LRP8: variants seen among roughly 807,000 people sequenced by gnomAD.
The protein encoded by LRP8 is low-density lipoprotein receptor-related protein 8.
In LRP8, 46 loss-of-function variants were observed where a neutral mutation model predicts 111.6. That is an observed-to-expected ratio of 0.41 (90% CI 0.33 to 0.53). LRP8 has a LOEUF of 0.53. Among genes scored for constraint, LRP8 ranks in the 20% least tolerant of loss-of-function variants. The pLI is 0.20. For synonymous variants in LRP8, 464 were observed against 511.2 expected (o/e 0.91, Z 1.24); for missense variants, 959 against 1,297.4 (o/e 0.74, Z 4.01).
In LRP8 at chr1:53,266,733, C is replaced by A. The variant is rs2297659; in HGVS notation, c.1253-86G>T. ...CAAGACTCTGCCACTGGCTTGCTGG[C>A]TGACACATCCATTTTCCTTAAAATA... On this transcript the variant is annotated intron_variant, in intron 8 of 18. Coordinates refer to ENST00000306052, the MANE Select transcript of LRP8 (RefSeq NM_004631.5). This position sits in a 1 kb window ranked among gnomAD's most constrained non-coding sequence, Gnocchi z 5.0. 2.6e-3 allele frequency: 3,204 copies of A among 1,215,022 alleles called. 90 individuals are homozygous for A. In the East Asian group the frequency reaches 0.064, roughly 24 times the overall value. 75.3% of individuals were successfully genotyped at this position (1,215,022 alleles called of 1,614,324 possible).
chr1:53,276,428 G>A (rs1193220999), intron 5 of LRP8, among the ~76,000 whole-genome samples: 1 of 151,942 alleles, frequency 6.6e-6, no homozygotes, highest in Non-Finnish European at 1.5e-5. Flanking sequence ...CGGGGGATGG[G>A]GGTGGGAAGT....
intron 2 of LRP8, among the ~76,000 whole-genome samples, chr1:53,309,697 T>C (rs1652646275): frequency 6.6e-6 from 1 of 152,094 alleles, no homozygotes; most frequent in Non-Finnish European, 1.5e-5. Context: ...AGCTGCCCCC[T>C]GAGGGCCCAG....
At position 53,244,459 on chromosome 1, in the gene LRP8, C is replaced by A. The variant is rs1020861337; in HGVS notation, c.*2559G>T. ...ACCTCAAAATGAGGCTGAAAAGCCT[C>A]TATGAATGGGGGAAGGTGGATCTGA... On this transcript the variant is annotated 3_prime_UTR_variant, in exon 19 of 19. Transcript: ENST00000306052. 2 of 152,246 alleles carry A rather than the reference C, an allele frequency of 1.3e-5. No individual in the cohort carries two copies. The highest frequency in any genetic ancestry group is 2.9e-5 in the Non-Finnish European group (2 of 68,050). The allele number at this position is 152,246 out of a possible 1,614,324, so 9.4% of individuals were successfully genotyped here.
Position 53,286,564 on chromosome 1 carries a change from G to A in LRP8, c.367+3003C>T, listed in dbSNP as rs188091045. On this transcript the variant is annotated intron_variant, in intron 3 of 18. Coordinates refer to ENST00000306052, the MANE Select transcript of LRP8 (RefSeq NM_004631.5). Reference sequence around the variant, plus strand: ...TCCCCAATCAAGTGAGCTATAATTAGAGCTGAAATGCTATTGCCATTAGGC... The same window carrying A: ...TCCCCAATCAAGTGAGCTATAATTAAAGCTGAAATGCTATTGCCATTAGGC... Among the ~76,000 whole-genome samples the A allele has an allele frequency of 1.4e-4, 21 of 152,114 alleles. No homozygotes were observed. The East Asian group carries it at 3.5e-3, about 25-fold the overall frequency.
Position 53,266,462 on chromosome 1 carries a change from T to C in LRP8, c.1427+11A>G. On this transcript the variant is annotated intron_variant, in intron 9 of 18. Transcript: ENST00000306052. This position sits in a 1 kb window ranked among gnomAD's most constrained non-coding sequence, Gnocchi z 5.0. ...TCTTCATGCCTTGCTGCAGAGGATA[T>C]GGCCGCTCACCTATAGATCTTACGG... 1 of 1,613,600 alleles carries C rather than the reference T, an allele frequency of 6.2e-7. No homozygotes were observed. The highest frequency in any genetic ancestry group is 8.5e-7 in the Non-Finnish European group (1 of 1,179,548).
At chr1:53,289,458 G>A in intron 3 of LRP8, 109 bp downstream of exon 3, 1 of 1,424,358 alleles carries the variant, frequency 7.0e-7, no homozygotes, top group Non-Finnish European at 9.4e-7. Flanking sequence ...CTGAGTGCGT[G>A]GCACAGAATG....
rs766893941 is a variant in LRP8, at chr1:53,262,035, T to C, written c.1914+33A>G. 20 of 1,608,936 alleles carry C rather than the reference T, an allele frequency of 1.2e-5. No individual in the cohort carries two copies. The highest frequency in any genetic ancestry group is 1.6e-5 in the Non-Finnish European group (19 of 1,177,096). On this transcript the variant is annotated intron_variant, in intron 12 of 18. Transcript: ENST00000306052. This position sits in a 1 kb window ranked among gnomAD's most constrained non-coding sequence, Gnocchi z 4.8. Reference sequence around the variant, plus strand: ...AAGCATTTTCTAGGCTTCAGCTTCCTAGTGGGCCCTTGCCTCTCCTTACAG... The same window carrying C: ...AAGCATTTTCTAGGCTTCAGCTTCCCAGTGGGCCCTTGCCTCTCCTTACAG...
In LRP8 at chr1:53,303,160, CCACT is replaced by C. The variant is rs1412926961; in HGVS notation, c.245-13475_245-13472del. The stretch of plus-strand genomic sequence containing the variant: ...CTTATTTCTTACCACCACCACTCCC[CCACT>C]GCTCCAGCTTTCCTACAGGGACTTT... On this transcript the variant is annotated intron_variant, in intron 2 of 18. Transcript: ENST00000306052. The surrounding 1 kb of genome is among the most constrained non-coding windows in gnomAD (Gnocchi z 4.3). Among the ~76,000 whole-genome samples the C allele has an allele frequency of 1.3e-5, 2 of 152,218 alleles. No individual in the cohort carries two copies. Among genetic ancestry groups the C allele is most frequent in the Non-Finnish European group, 2.9e-5 (2 of 68,040 alleles).
rs1436873365 is a variant in LRP8 at position 53,279,738 on chromosome 1, ACC to A, written c.496+847_496+848del. Among the ~76,000 whole-genome samples, 1 of 152,136 alleles carries A rather than the reference ACC, an allele frequency of 6.6e-6. No individual in the cohort carries two copies. Among genetic ancestry groups the A allele is most frequent in the Admixed American group, 6.5e-5 (1 of 15,278 alleles). The stretch of plus-strand genomic sequence containing the variant: ...AGTGCCTGGCAAGCCCTCCAGGGTG[ACC>A]GCCCGTATTTCAGCCCAGCCGCACA... On this transcript the variant is annotated intron_variant, in intron 4 of 18. Transcript: ENST00000306052. The surrounding 1 kb of genome is among the most constrained non-coding windows in gnomAD (Gnocchi z 4.4).
intron 2 of LRP8, among the ~76,000 whole-genome samples, chr1:53,297,865 CCCAAAACA>C (rs1650046803): frequency 2.0e-5 from 3 of 151,856 alleles, no homozygotes; most frequent in African/African-American, 4.8e-5. Flanking sequence ...CCACCTTTGC[CCCAAAACA>C]CCAAGGCATG....
intron 2 of LRP8, among the ~76,000 whole-genome samples, chr1:53,315,475 C>T (rs1653676073): frequency 6.6e-6 from 1 of 152,236 alleles, no homozygotes; most frequent in Non-Finnish European, 1.5e-5. Context: ...TGAGGGGCGG[C>T]TCCATCCTCC....
chr1:53,295,727 G>A (rs545624796), intron 2 of LRP8, among the ~76,000 whole-genome samples: 1 of 152,316 alleles, frequency 6.6e-6, no homozygotes, highest in South Asian at 2.1e-4. Flanking sequence ...GCCCTGGGAA[G>A]GACTGCAGTA....
At chr1:53,280,845 T>A in intron 3 of LRP8, 130 bp from the exon 4 acceptor site, 1 of 1,141,770 alleles carries the variant, frequency 8.8e-7, no homozygotes. Context: ...TTCTGGCCCA[T>A]GTCTCAGTTT....
chr1:53,273,175 T>TG (rs1314852504), intron 6 of LRP8, among the ~76,000 whole-genome samples: 1 of 152,064 alleles, frequency 6.6e-6, no homozygotes, highest in Non-Finnish European at 1.5e-5. Context: ...GTGATTCCGC[T>TG]GGGGAGCCAG....
chr1:53,262,807 G>A lies in LRP8; in HGVS notation c.1656-243C>T, dbSNP rs1005499702. On this transcript the variant is annotated intron_variant, in intron 10 of 18. Coordinates refer to ENST00000306052, the MANE Select transcript of LRP8 (RefSeq NM_004631.5). This position sits in a 1 kb window ranked among gnomAD's most constrained non-coding sequence, Gnocchi z 4.8. ...GCACCCAGACTCAGCTGAATAGCCT[G>A]TGACCCCATCTCTCCCACTTCTGGC... Among the ~76,000 whole-genome samples the A allele has an allele frequency of 7.2e-5, 11 of 152,200 alleles. No homozygotes were observed. The highest frequency in any genetic ancestry group is 4.8e-5 in the African/African-American group (2 of 41,450).
chr1:53,264,192 G>A lies in LRP8; in HGVS notation c.1632C>T (p.Ala544=), dbSNP rs552389756. 6 of 1,614,172 alleles carry A rather than the reference G, an allele frequency of 3.7e-6. No homozygotes were observed. The South Asian group carries it at 6.6e-5, about 18-fold the overall frequency. The change falls in exon 10 of 19, where the codon GCC becomes GCT. Residue 544 remains alanine (A), a synonymous_variant. Coordinates refer to ENST00000306052, the MANE Select transcript of LRP8 (RefSeq NM_004631.5). Reference sequence around the variant, plus strand: ...ACCCTCGCAGGGGGTCAACAGCGATGGCCCGGGGTTCACTGAGGTTACGGC... The same window carrying A: ...ACCCTCGCAGGGGGTCAACAGCGATAGCCCGGGGTTCACTGAGGTTACGGC... ...LFSRNLSEPR[A]IAVDPLRGFM... is the part of the protein sequence containing the mutation.
intron 16 of LRP8, among the ~76,000 whole-genome samples, chr1:53,253,628 A>C (rs1423627335): frequency 6.6e-6 from 1 of 152,192 alleles, no homozygotes; most frequent in East Asian, 1.9e-4. Flanking sequence ...GCCTCTTTCT[A>C]TAGGGCAAAG....
chr1:53,296,083 G>C (rs55901136), intron 2 of LRP8, among the ~76,000 whole-genome samples: 13 of 152,044 alleles, frequency 8.6e-5, no homozygotes, highest in South Asian at 2.1e-4. Flanking sequence ...CCTCAGAGCA[G>C]GGACACGTCT....
rs891989055 is a variant in LRP8 at position 53,327,116 on chromosome 1, G to T, written c.125-124C>A. On this transcript the variant is annotated intron_variant, in intron 1 of 18. Transcript: ENST00000306052. ...AGGGGGCGATTATGGAGACCCCGGG[G>T]GCTTCAGGCACACTCCATCCAAAGG... The T allele has an allele frequency of 7.4e-5, 100 of 1,346,960 alleles. 1 individual carries two copies. The Middle Eastern group carries it at 1.7e-3, about 23-fold the overall frequency. 83.4% of individuals were successfully genotyped at this position (1,346,960 alleles called of 1,614,324 possible). A position where few individuals can be genotyped will look rare whatever the true frequency, so the allele number is the denominator to read the frequency against.
Sources: allele counts gnomAD v4.1 joint callset (sites outside exome capture counted in the v4.1 genomes callset), GRCh38; gene constraint gnomAD v4.1.1; non-coding constraint Gnocchi (gnomAD v3.1); transcripts MANE v1.5; gene names NCBI Gene and HGNC (gene_info 2026-07-23, HGNC 2026-07-21).